The following ITGA9 variants were observed in gnomAD, a reference collection of about 807,000 sequenced individuals.
ITGA9 encodes the protein integrin alpha-9.
A neutral mutation model predicts 127.8 loss-of-function variants in ITGA9; 56 were observed. The ratio of observed to expected loss-of-function variants is 0.44; its 90% confidence interval spans 0.35 to 0.55. The LOEUF (loss-of-function observed/expected upper bound fraction) is 0.55, where lower values mean the gene tolerates loss of function less well. Ranked by LOEUF, ITGA9 falls within the 20% of genes least tolerant of loss-of-function variation. The pLI is 0.00. For synonymous variants in ITGA9, 508 were observed against 514.5 expected, an observed-to-expected ratio of 0.99 and a Z score of 0.17; for missense variants, 1,196 against 1,347.1, an observed-to-expected ratio of 0.89 and a Z score of 1.76.
intron 1 of ITGA9, among the ~76,000 whole-genome samples, chr3:37,459,911 G>T (rs1698299051): frequency 6.6e-6 from 1 of 152,166 alleles, no homozygotes; most frequent in South Asian, 2.1e-4. Flanking sequence ...CTCTTGGGGG[G>T]ATGCTAGGGT....
At chr3:37,575,832 T>C (rs563228716) in intron 15 of ITGA9, among the ~76,000 whole-genome samples, 1 of 152,334 alleles carries the variant, frequency 6.6e-6, no homozygotes, top group Admixed American at 6.5e-5. Context: ...TGCAAAATGC[T>C]TTGAGCACTG....
intron 4 of ITGA9, among the ~76,000 whole-genome samples, chr3:37,493,053 C>T (rs943928465): frequency 1.3e-5 from 2 of 151,400 alleles, no homozygotes; most frequent in African/African-American, 4.9e-5. Flanking sequence ...TAGCAGTTGT[C>T]CTTATAATAA....
Position 37,634,837 on chromosome 3 carries a change from A to T in ITGA9, c.1839+5501A>T, listed in dbSNP as rs116139286. On this transcript the variant is annotated intron_variant, in intron 16 of 27. Coordinates refer to ENST00000264741, the MANE Select transcript of ITGA9 (RefSeq NM_002207.3). ...GCACATGGAACACTCTCCAGGATGG[A>T]TCACATAGTAGGCCACAAAATAAAT... 3.9e-3 allele frequency among the ~76,000 whole-genome samples: 598 copies of T among 152,340 alleles called. 2 individuals are homozygous for T. Among genetic ancestry groups the T allele is most frequent in the Non-Finnish European group, 6.1e-3 (416 of 68,032 alleles).
intron 26 of ITGA9, among the ~76,000 whole-genome samples, chr3:37,794,885 C>G (rs1285706851): frequency 6.6e-6 from 1 of 152,144 alleles, no homozygotes; most frequent in Admixed American, 6.5e-5. Context: ...TCATTTATGT[C>G]GTCTCCATAA....
chr3:37,738,366 G>C (rs918954546), intron 20 of ITGA9, among the ~76,000 whole-genome samples: 1 of 152,230 alleles, frequency 6.6e-6, no homozygotes, highest in Non-Finnish European at 1.5e-5. Context: ...TGTTACACCT[G>C]TGTAGGTGGT....
intron 26 of ITGA9, among the ~76,000 whole-genome samples, chr3:37,793,040 CCTT>C (rs1697130271): frequency 6.6e-6 from 1 of 152,014 alleles, no homozygotes; most frequent in Non-Finnish European, 1.5e-5. Flanking sequence ...AAATGAGCCT[CCTT>C]CTCCCCAAAT....
intron 22 of ITGA9, chr3:37,745,681 A>G (rs1348351014): frequency 6.6e-6 from 1 of 152,248 alleles, no homozygotes; most frequent in Non-Finnish European, 1.5e-5. Context: ...TGCACAGAAT[A>G]TACCAAATGT....
At chr3:37,622,801 C>T (rs1460930331) in intron 15 of ITGA9, among the ~76,000 whole-genome samples, 27 of 151,612 alleles carry the variant, frequency 1.8e-4, no homozygotes, top group East Asian at 1.9e-4. Flanking sequence ...GCTGAGATTG[C>T]GCCACTGCAC....
chr3:37,572,109 TC>T (rs1362930804), intron 15 of ITGA9, among the ~76,000 whole-genome samples: 1 of 152,010 alleles, frequency 6.6e-6, no homozygotes, highest in Non-Finnish European at 1.5e-5. Flanking sequence ...ACCTCCTGGA[TC>T]CTGCCCTGTA....
At chr3:37,633,600 G>T (rs1700247806) in intron 16 of ITGA9, among the ~76,000 whole-genome samples, 1 of 152,192 alleles carries the variant, frequency 6.6e-6, no homozygotes, top group South Asian at 2.1e-4. Flanking sequence ...TGGACCTAAA[G>T]AATATTTGAA....
chr3:37,594,871 G>A (rs1401404456), intron 15 of ITGA9, among the ~76,000 whole-genome samples: 1 of 152,138 alleles, frequency 6.6e-6, no homozygotes, highest in African/African-American at 2.4e-5. Context: ...GCCCACTACA[G>A]CCTCCAACTC....
At chr3:37,572,030 G>C (rs968941429) in intron 15 of ITGA9, among the ~76,000 whole-genome samples, 2 of 151,984 alleles carry the variant, frequency 1.3e-5, no homozygotes, top group Non-Finnish European at 2.9e-5. Flanking sequence ...TTGGTAGCCC[G>C]TTGAGTTTTG....
chr3:37,676,838 C>T (rs1005459676), intron 17 of ITGA9, among the ~76,000 whole-genome samples: 2 of 152,204 alleles, frequency 1.3e-5, no homozygotes, highest in Non-Finnish European at 2.9e-5. Flanking sequence ...GTGTCCTTCT[C>T]CTGCCCCTTT....
rs370557302 is a variant in ITGA9, at chr3:37,517,515, G to C, written c.1047G>C (p.Glu349Asp). The C allele has an allele frequency of 5.0e-6, 8 of 1,592,758 alleles. No individual in the cohort carries two copies. The African/African-American group carries it at 1.1e-4, about 21-fold the overall frequency. ...ATCCTGTTTCCCAGGGAGCCCTCGA[G>C]GAGCAGCTGGCTCTGACTGGGGATG... The part of the protein sequence containing the change: ...VYINRGNGAL[E>D]EQLALTGDGA... Residue 349 changes from glutamate (E) to aspartate (D), a missense_variant, in exon 10 of 28, where the codon GAG (glutamate) becomes GAC (aspartate). Coordinates refer to ENST00000264741, the MANE Select transcript of ITGA9 (RefSeq NM_002207.3).
chr3:37,623,763 C>CT (rs1700149875), intron 15 of ITGA9, among the ~76,000 whole-genome samples: 1 of 151,918 alleles, frequency 6.6e-6, no homozygotes, highest in Admixed American at 6.6e-5. Flanking sequence ...GTAAGTTACT[C>CT]TATCATTACT....
intron 23 of ITGA9, among the ~76,000 whole-genome samples, chr3:37,763,516 T>G (rs1374179232): frequency 6.6e-6 from 1 of 152,246 alleles, no homozygotes; most frequent in Non-Finnish European, 1.5e-5. Flanking sequence ...TCTCATTAGC[T>G]TTCACTCTGG....
chr3:37,645,530 C>T (rs1196488515), intron 16 of ITGA9, among the ~76,000 whole-genome samples: 2 of 152,074 alleles, frequency 1.3e-5, no homozygotes, highest in Non-Finnish European at 2.9e-5. Context: ...TGCCACTGCA[C>T]TCCAGCTTGG....
intron 15 of ITGA9, among the ~76,000 whole-genome samples, chr3:37,554,711 G>A (rs866318447): frequency 4.6e-5 from 7 of 152,148 alleles, no homozygotes; most frequent in Admixed American, 6.5e-5. Flanking sequence ...CATTTCCTGA[G>A]GGTTTGATTG....
intron 4 of ITGA9, among the ~76,000 whole-genome samples, chr3:37,493,628 G>T (rs1487403926): frequency 4.0e-5 from 6 of 151,308 alleles, no homozygotes; most frequent in Non-Finnish European, 8.8e-5. Flanking sequence ...CCAAGCTGAG[G>T]TAGAATCCTG....
Sources: allele counts gnomAD v4.1 joint callset (sites outside exome capture counted in the v4.1 genomes callset), GRCh38; gene constraint gnomAD v4.1.1; transcripts MANE v1.5; gene names NCBI Gene and HGNC (gene_info 2026-07-23, HGNC 2026-07-21).